HTR4: variants seen among roughly 807,000 people sequenced by gnomAD.
The protein encoded by HTR4 is 5-hydroxytryptamine receptor 4, also known as 5-hydroxytryptamine (serotonin) receptor 4, G protein-coupled.
In HTR4, 16 loss-of-function variants were observed where a neutral mutation model predicts 36.8. The observed-to-expected ratio is 0.43, with a 90% CI of 0.29 to 0.66. The LOEUF (loss-of-function observed/expected upper bound fraction) is 0.66. Ranked by LOEUF, HTR4 falls within the 30% of genes least tolerant of loss-of-function variation. The pLI is 0.13. For synonymous variants in HTR4, 189 were observed against 185.1 expected, an observed-to-expected ratio of 1.02 and a Z score of -0.17; for missense variants, 438 against 490.9, an observed-to-expected ratio of 0.89 and a Z score of 1.02.
chr5:148,529,733 G>C (rs1758462591), intron 4 of HTR4, among the ~76,000 whole-genome samples: 1 of 152,204 alleles, frequency 6.6e-6, no homozygotes, highest in Non-Finnish European at 1.5e-5. Context: ...TAGTATGGAG[G>C]ACTCAGAAGA....
intron 2 of HTR4, among the ~76,000 whole-genome samples, chr5:148,614,892 A>C (rs922122508): frequency 6.6e-6 from 1 of 152,248 alleles, no homozygotes; most frequent in African/African-American, 2.4e-5. Flanking sequence ...ACACTTCTCA[A>C]AAGAAGACAT....
chr5:148,586,667 T>G (rs1761361665), intron 2 of HTR4, among the ~76,000 whole-genome samples: 1 of 152,124 alleles, frequency 6.6e-6, no homozygotes. Context: ...TGGGTGGGGA[T>G]AGAGCCAAAC....
At chr5:148,581,186 T>C (rs1315619184) in intron 2 of HTR4, among the ~76,000 whole-genome samples, 1 of 152,064 alleles carries the variant, frequency 6.6e-6, no homozygotes, top group African/African-American at 2.4e-5. Context: ...CATTTTTAAA[T>C]CAGGTTATTT....
At chr5:148,484,512 C>T in intron 6 of HTR4, 1 of 777,188 alleles carries the variant, frequency 1.3e-6, no homozygotes, top group African/African-American at 1.8e-5. Context: ...TTTACTATCT[C>T]CAGGCTTCCA....
intron 2 of HTR4, among the ~76,000 whole-genome samples, chr5:148,580,985 G>A (rs528546064): frequency 6.6e-6 from 1 of 150,474 alleles, no homozygotes; most frequent in Non-Finnish European, 1.5e-5. Context: ...ATTTTAAAGG[G>A]TTCCTGTTTC....
At chr5:148,630,998 T>C (rs1753302415) in intron 2 of HTR4, among the ~76,000 whole-genome samples, 1 of 152,168 alleles carries the variant, frequency 6.6e-6, no homozygotes, top group African/African-American at 2.4e-5. Flanking sequence ...AGAAGATGTA[T>C]AGGATCACGT....
chr5:148,588,741 C>T (rs1401638207), intron 2 of HTR4, among the ~76,000 whole-genome samples: 1 of 150,984 alleles, frequency 6.6e-6, no homozygotes, highest in Non-Finnish European at 1.5e-5. Context: ...GGGGTTTCAC[C>T]TTGTTAGCCA....
intron 2 of HTR4, among the ~76,000 whole-genome samples, chr5:148,576,401 T>G (rs1219035679): frequency 6.6e-6 from 1 of 151,878 alleles, no homozygotes; most frequent in Non-Finnish European, 1.5e-5. Flanking sequence ...TCCAAAGCAG[T>G]TTACAGATTC....
At position 148,509,863 on chromosome 5, in the gene HTR4, G is replaced by C; in HGVS notation, c.669C>G (p.Ala223=). 2 of 1,613,982 alleles carry C rather than the reference G, an allele frequency of 1.2e-6. No homozygotes were observed. The highest frequency in any genetic ancestry group is 2.2e-5 in the South Asian group (2 of 91,054). The change falls in exon 6 of 7, where the codon GCC becomes GCG. Residue 223 remains alanine (A), a synonymous_variant. Transcript: ENST00000377888. ...CCCGTTGTAACATCTGGATCTGATGGGCATGCTCCTTAGCTGTGACATAGA... is the reference window on the plus strand; with the variant it reads ...CCCGTTGTAACATCTGGATCTGATGCGCATGCTCCTTAGCTGTGACATAGA... ...YRIYVTAKEH[A]HQIQMLQRAG...
chr5:148,581,731 T>C (rs561438751), intron 2 of HTR4, among the ~76,000 whole-genome samples: 16 of 152,268 alleles, frequency 1.1e-4, no homozygotes, highest in Admixed American at 9.8e-4. Context: ...ACTGTGTAAA[T>C]TACTGTAGCT....
intron 4 of HTR4, among the ~76,000 whole-genome samples, chr5:148,546,640 T>C (rs1001999205): frequency 1.3e-5 from 2 of 152,190 alleles, no homozygotes; most frequent in Non-Finnish European, 2.9e-5. Context: ...TTCTCCCATT[T>C]TTTTTCCTGG....
intron 2 of HTR4, among the ~76,000 whole-genome samples, chr5:148,590,537 T>C (rs974872104): frequency 6.6e-6 from 1 of 152,008 alleles, no homozygotes; most frequent in African/African-American, 2.4e-5. Flanking sequence ...GCAAATACTT[T>C]CTCAGCGCTA....
intron 6 of HTR4, among the ~76,000 whole-genome samples, chr5:148,494,050 G>A (rs888065507): frequency 6.6e-6 from 1 of 152,188 alleles, no homozygotes; most frequent in South Asian, 2.1e-4. Context: ...AATTCACAGT[G>A]TGAAAACCTT....
At chr5:148,523,367 A>G in intron 4 of HTR4, 21 bp from the exon 5 acceptor site, 1 of 1,590,046 alleles carries the variant, frequency 6.3e-7, no homozygotes, top group Non-Finnish European at 8.5e-7. Flanking sequence ...AATAGAGGGC[A>G]GAGCATAGGC....
chr5:148,569,814 G>A (rs183544649), intron 2 of HTR4, among the ~76,000 whole-genome samples: 22 of 152,112 alleles, frequency 1.4e-4, no homozygotes, highest in South Asian at 2.1e-4. Flanking sequence ...AGAGGTCATG[G>A]CCATAAGAAT....
chr5:148,516,627 C>CTTTATT (rs569903280), intron 5 of HTR4, among the ~76,000 whole-genome samples: 2 of 143,512 alleles, frequency 1.4e-5, no homozygotes, highest in Non-Finnish European at 3.0e-5. Context: ...CAAAAATTCC[C>CTTTATT]TTTTTTTTTT....
chr5:148,605,225 C>T (rs1752102782), intron 2 of HTR4, among the ~76,000 whole-genome samples: 1 of 149,408 alleles, frequency 6.7e-6, no homozygotes, highest in Admixed American at 6.7e-5. Flanking sequence ...TTCTATGTTA[C>T]CACAGATTGC....
At chr5:148,500,975 TCAATACAG>T (rs762021855) in intron 6 of HTR4, among the ~76,000 whole-genome samples, 72 of 152,284 alleles carry the variant, frequency 4.7e-4, no homozygotes, top group Middle Eastern at 3.4e-3. Flanking sequence ...AGCATACCTG[TCAATACAG>T]CAATTTCATT....
At chr5:148,506,351 T>TA (rs1463656056) in intron 6 of HTR4, among the ~76,000 whole-genome samples, 1 of 152,130 alleles carries the variant, frequency 6.6e-6, no homozygotes, top group African/African-American at 2.4e-5. Context: ...ATCCCTTTCT[T>TA]ACACCTTATA....
Sources: gnomAD v4.1 joint callset for allele counts (sites outside exome capture counted in the v4.1 genomes callset) on GRCh38, gnomAD v4.1.1 for gene constraint, MANE v1.5 for transcripts, NCBI Gene and HGNC (gene_info 2026-07-23, HGNC 2026-07-21) for gene names.